The following ACOT11 variants were observed in gnomAD, a reference collection of about 807,000 sequenced individuals.
The protein encoded by ACOT11 is acyl-CoA thioesterase 11, also known as acyl-coenzyme A thioesterase 11.
ACOT11 carries 69 observed loss-of-function variants against 77.5 expected under a neutral mutation model. The observed-to-expected ratio is 0.89, with a 90% CI of 0.73 to 1.09. The LOEUF (loss-of-function observed/expected upper bound fraction) is 1.09, where lower values mean the gene tolerates loss of function less well. ACOT11 is among the 50% of genes least tolerant of loss of function. The pLI is 0.00. For missense variants in ACOT11, 766 were observed against 813.7 expected (o/e 0.94, Z 0.71); for synonymous variants, 279 against 313.0 (o/e 0.89, Z 1.15).
At chr1:54,581,701 C>T in intron 1 of ACOT11, among the ~76,000 whole-genome samples, 1 of 152,154 alleles carries the variant, frequency 6.6e-6, no homozygotes, top group Non-Finnish European at 1.5e-5. Context: ...GTTCAGCCCC[C>T]GCCACCCTGG....
rs539873667 is a variant in ACOT11, at chr1:54,584,622, C to T, written c.34-33C>T. 1,286 of 1,600,898 alleles carry T rather than the reference C, an allele frequency of 8.0e-4. 20 individuals are homozygous for T. In the South Asian group the frequency reaches 0.014, roughly 17 times the overall value. On this transcript the variant is annotated intron_variant, in intron 1 of 15. Transcript: ENST00000343744. The surrounding 1 kb of genome is among the most constrained non-coding windows in gnomAD (Gnocchi z 6.3). ...GGGAGACCCTGCAGCAAGCAGACCT[C>T]TCTGTCCCCACCTGTCCCCACCTGT...
chr1:54,551,344 C>T (rs1486490409), intron 1 of ACOT11, among the ~76,000 whole-genome samples: 2 of 152,024 alleles, frequency 1.3e-5, no homozygotes, highest in Non-Finnish European at 2.9e-5. Flanking sequence ...CTACTCGCCC[C>T]TGGGTACCCA....
chr1:54,586,969 G>A (rs1203454785), intron 3 of ACOT11, among the ~76,000 whole-genome samples: 1 of 152,094 alleles, frequency 6.6e-6, no homozygotes. Context: ...GGCTTATTCA[G>A]GACTCACTGG....
At chr1:54,591,893 G>A (rs1350885320) in intron 3 of ACOT11, among the ~76,000 whole-genome samples, 1 of 152,228 alleles carries the variant, frequency 6.6e-6, no homozygotes, top group Non-Finnish European at 1.5e-5. Context: ...TTATTCTGAG[G>A]TTCCAATGGC....
chr1:54,638,018 C>T (rs1055370074), exon 17 of ACOT11: 10 of 152,222 alleles, frequency 6.6e-5, no homozygotes, highest in Non-Finnish European at 1.3e-4. Flanking sequence ...TAGAGGGTCT[C>T]ACTATGCTGC....
chr1:54,590,057 C>T (rs879654644), intron 3 of ACOT11, among the ~76,000 whole-genome samples: 3 of 150,710 alleles, frequency 2.0e-5, no homozygotes, highest in Non-Finnish European at 4.4e-5. Flanking sequence ...CATAGCACTC[C>T]AGCCTGGGCA....
intron 8 of ACOT11, 133 bp from the exon 9 acceptor site, chr1:54,601,136 C>A: frequency 1.2e-6 from 1 of 850,384 alleles, no homozygotes; most frequent in South Asian, 1.8e-5. Context: ...TATGTGTGTG[C>A]ATACGTGTGT....
At chr1:54,638,143 C>A (rs573980541) in exon 17 of ACOT11, 6 of 151,818 alleles carry the variant, frequency 4.0e-5, no homozygotes, top group African/African-American at 1.2e-4. Flanking sequence ...ATCTTAGAAG[C>A]GGCCAGAAAA....
rs370008535 is a variant in ACOT11 at position 54,556,151 on chromosome 1, A to G, written c.33+7809A>G. Among the ~76,000 whole-genome samples the G allele has an allele frequency of 1.4e-4, 21 of 152,242 alleles. No individual in the cohort carries two copies. In the East Asian group the frequency reaches 1.5e-3, roughly 11 times the overall value. On this transcript the variant is annotated intron_variant, in intron 1 of 15. Transcript: ENST00000343744. ...TGTTGAATAGACTGTCCCTTCCCCA[A>G]TGTGTGTTCTGGCACCTTTGTTGAA...
At chr1:54,623,094 T>A (rs1644246538) in intron 15 of ACOT11, among the ~76,000 whole-genome samples, 1 of 151,654 alleles carries the variant, frequency 6.6e-6, no homozygotes, top group Non-Finnish European at 1.5e-5. Flanking sequence ...GAGAATCGCT[T>A]GAACCTGGGA....
At chr1:54,560,711 C>T (rs1218701577) in intron 1 of ACOT11, among the ~76,000 whole-genome samples, 1 of 149,514 alleles carries the variant, frequency 6.7e-6, no homozygotes, top group East Asian at 1.9e-4. Context: ...AACAATGTGT[C>T]AACTATGCTT....
At chr1:54,587,989 G>A (rs973924512) in intron 3 of ACOT11, among the ~76,000 whole-genome samples, 2 of 152,160 alleles carry the variant, frequency 1.3e-5, no homozygotes, top group Non-Finnish European at 2.9e-5. Flanking sequence ...AAGGCAGGCA[G>A]ATTACTTGAG....
intron 15 of ACOT11, among the ~76,000 whole-genome samples, chr1:54,626,777 A>C (rs1286572220): frequency 7.4e-6 from 1 of 134,898 alleles, no homozygotes; most frequent in African/African-American, 2.5e-5. Flanking sequence ...CCATGAGGGC[A>C]CCCCCTGCAC....
rs748484488 is a variant in ACOT11 at position 54,594,010 on chromosome 1, A to T, written c.442A>T (p.Thr148Ser). The T allele has an allele frequency of 6.2e-7, 1 of 1,613,974 alleles. No homozygotes were observed. The highest frequency in any genetic ancestry group is 1.1e-5 in the South Asian group (1 of 91,080). The change falls in exon 5 of 16, where the codon ACC becomes TCC. Residue 148 changes from threonine (T) to serine (S), a missense_variant. Coordinates refer to ENST00000343744, the MANE Select transcript of ACOT11 (RefSeq NM_147161.4). ...KQWNVCKALA[T>S]FVARREITKV... is the part of the protein sequence containing the mutation. ...GTGGAATGTGTGCAAGGCCTTGGCC[A>T]CCTTCGTGGCCCGCCGAGAGATCAC...
Position 54,599,398 on chromosome 1 carries a change from C to A in ACOT11, c.867C>A (p.Asn289Lys). 1 of 1,604,948 alleles carries A rather than the reference C, an allele frequency of 6.2e-7. No individual in the cohort carries two copies. Among genetic ancestry groups the A allele is most frequent in the Non-Finnish European group, 8.5e-7 (1 of 1,175,300 alleles). Residue 289 changes from asparagine (N) to lysine (K), a missense_variant, in exon 8 of 16, where the codon AAC (asparagine) becomes AAA (lysine). Transcript: ENST00000343744. The stretch of plus-strand genomic sequence containing the variant: ...GTCTGGTGCTCAAAGCCATCGTGAA[C>A]AATGCCTTCAAACATAGGTGAGGGT... Reference protein sequence around the residue: ...GDRLVLKAIVNNAFKHSMEVG... With the variant: ...GDRLVLKAIVKNAFKHSMEVG...
chr1:54,564,632 C>T lies in ACOT11; in HGVS notation c.33+16290C>T, dbSNP rs1028807578. Among the ~76,000 whole-genome samples the T allele has an allele frequency of 2.6e-5, 4 of 152,330 alleles. No individual in the cohort carries two copies. In the East Asian group the frequency reaches 7.7e-4, roughly 29 times the overall value. ...GTAGGTCTGACTTTTCTTTTGATCC[C>T]TTAGGGAGGGTGTGGAGAGACCCAA... is the stretch of plus-strand genomic sequence containing the variant. On this transcript the variant is annotated intron_variant, in intron 1 of 15. Coordinates refer to ENST00000343744, the MANE Select transcript of ACOT11 (RefSeq NM_147161.4).
At chr1:54,571,933 C>G (rs946438881) in intron 1 of ACOT11, among the ~76,000 whole-genome samples, 1 of 152,054 alleles carries the variant, frequency 6.6e-6, no homozygotes, top group African/African-American at 2.4e-5. Context: ...GCAGGAAGGG[C>G]CCGCAGGACC....
At chr1:54,588,137 G>A (rs1654572615) in intron 3 of ACOT11, among the ~76,000 whole-genome samples, 1 of 152,036 alleles carries the variant, frequency 6.6e-6, no homozygotes, top group Non-Finnish European at 1.5e-5. Context: ...CTGGGAGGTG[G>A]AGGTTGCAGT....
At chr1:54,612,402 G>A (rs2101015783), downstream of ACOT11, 2 of 991,936 alleles carry the variant, frequency 2.0e-6, no homozygotes, top group Non-Finnish European at 3.1e-6. Flanking sequence ...TGACCTTTAA[G>A]ACCCTTCCAG....
Sources: allele counts gnomAD v4.1 joint callset (sites outside exome capture counted in the v4.1 genomes callset), GRCh38; gene constraint gnomAD v4.1.1; non-coding constraint Gnocchi (gnomAD v3.1); transcripts MANE v1.5; gene names NCBI Gene and HGNC (gene_info 2026-07-23, HGNC 2026-07-21).